Variants in ITPRID2 observed in about 807,000 individuals in gnomAD.
The protein encoded by ITPRID2 is protein ITPRID2.
In ITPRID2, 60 loss-of-function variants were observed where a neutral mutation model predicts 124.3. That is an observed-to-expected ratio of 0.48 (90% CI 0.39 to 0.60). ITPRID2 has a LOEUF of 0.60. Among genes scored for constraint, ITPRID2 ranks in the 20% least tolerant of loss-of-function variants. The pLI is 0.00. For synonymous variants in ITPRID2, 521 were observed against 542.9 expected (o/e 0.96, Z 0.56); for missense variants, 1,553 against 1,512.2 (o/e 1.03, Z -0.45).
intron 6 of ITPRID2, among the ~76,000 whole-genome samples, chr2:181,899,767 G>A (rs1373840638): frequency 6.6e-6 from 1 of 152,170 alleles, no homozygotes; most frequent in African/African-American, 2.4e-5. Context: ...AGGAGGTTGA[G>A]GCTGCAGTGA....
At position 181,892,651 on chromosome 2, in the gene ITPRID2, A is replaced by G; in HGVS notation, c.248A>G (p.Lys83Arg). 3 of 1,614,046 alleles carry G rather than the reference A, an allele frequency of 1.9e-6. No homozygotes were observed. The highest frequency in any genetic ancestry group is 2.5e-6 in the Non-Finnish European group (3 of 1,179,970). Residue 83 changes from lysine to arginine, a missense_variant, in exon 2 of 18, where the codon AAG becomes AGG. Lys to Arg is a conservative substitution (Grantham distance 26). Coordinates refer to ENST00000431877, the MANE Select transcript of ITPRID2 (RefSeq NM_001130445.3). This position sits in a 1 kb window ranked among gnomAD's most constrained non-coding sequence, Gnocchi z 5.2. ...VPNEKIAIWL[K>R]DCRTPLGASL... ...AACGAGAAGATCGCGATATGGCTCA[A>G]GGACTGCCGGTGAGTGCTCCCTGGT...
intron 8 of ITPRID2, among the ~76,000 whole-genome samples, chr2:181,908,754 T>C (rs988894835): frequency 6.6e-6 from 1 of 152,196 alleles, no homozygotes; most frequent in African/African-American, 2.4e-5. Flanking sequence ...AAAATGTTGG[T>C]TATTTCACTC....
rs1692429539 is a variant in ITPRID2 at position 181,898,863 on chromosome 2, A to G, written c.365-17A>G. 1.9e-6 allele frequency: 3 copies of G among 1,591,808 alleles called. No homozygotes were observed. The highest frequency in any genetic ancestry group is 1.7e-6 in the Non-Finnish European group (2 of 1,160,452). On this transcript the variant is annotated splice_polypyrimidine_tract_variant and intron_variant, in intron 4 of 17. Transcript: ENST00000431877. ...CTACTAACAATTGTGCTCTACGTTT[A>G]TTGTTTTTACCTGTAGCCAACCACC...
Position 181,896,969 on chromosome 2 carries a change from G to A in ITPRID2, c.364+5G>A. 1 of 1,610,920 alleles carries A rather than the reference G, an allele frequency of 6.2e-7. No homozygotes were observed. The highest frequency in any genetic ancestry group is 8.5e-7 in the Non-Finnish European group (1 of 1,177,468). On this transcript the variant is annotated splice_donor_5th_base_variant and intron_variant, in intron 4 of 17. Transcript: ENST00000431877. This position sits in a 1 kb window ranked among gnomAD's most constrained non-coding sequence, Gnocchi z 4.3. The stretch of plus-strand genomic sequence containing the variant: ...ATTTGTCATTGGGAGCTGAAGGTAT[G>A]TTTGTTTGGAAGAACTGTATTTTTG...
rs763598503 is a variant in ITPRID2 at position 181,892,211 on chromosome 2, C to CAGGACGAGGAGG, written c.163_174dup (p.Glu55_Asp58dup). On this transcript the variant is annotated inframe_insertion, in exon 1 of 18. Coordinates refer to ENST00000431877, the MANE Select transcript of ITPRID2 (RefSeq NM_001130445.3). The surrounding 1 kb of genome is among the most constrained non-coding windows in gnomAD (Gnocchi z 5.2). ...GGATCTGTCCACAGAAGCGACGACG[C>CAGGACGAGGAGG]AGGACGAGGAGGAGGACGAGGAGGA... 9.3e-5 allele frequency: 145 copies of CAGGACGAGGAGG among 1,552,022 alleles called. No individual in the cohort carries two copies. The highest frequency in any genetic ancestry group is 2.4e-4 in the Admixed American group (12 of 51,058).
intron 9 of ITPRID2, among the ~76,000 whole-genome samples, chr2:181,913,644 A>C (rs1693798895): frequency 6.6e-6 from 1 of 152,168 alleles, no homozygotes; most frequent in Non-Finnish European, 1.5e-5. Context: ...TTTTTGTTTG[A>C]ATTTGAGTTA....
chr2:181,904,273 C>T (rs749977016), intron 8 of ITPRID2, among the ~76,000 whole-genome samples: 4 of 151,216 alleles, frequency 2.6e-5, no homozygotes, highest in African/African-American at 9.7e-5. Flanking sequence ...GTAGCATTGA[C>T]GTGAACATTT....
chr2:181,899,801 C>T (rs1692514541), intron 6 of ITPRID2, among the ~76,000 whole-genome samples: 1 of 152,182 alleles, frequency 6.6e-6, no homozygotes, highest in African/African-American at 2.4e-5. Context: ...CACTCCATTT[C>T]AACTTGGCTG....
At position 181,922,048 on chromosome 2, in the gene ITPRID2, C is replaced by A; in HGVS notation, c.3311C>A (p.Ser1104Tyr). Residue 1104 changes from serine to tyrosine, a missense_variant, in exon 16 of 18, where the codon TCT (serine) becomes TAT (tyrosine). Physicochemically the swap from Ser to Tyr is moderately radical, Grantham distance 144. Transcript: ENST00000431877. Reference protein sequence around the residue: ...FEIPPGESSESVFSQATSESS... With the variant: ...FEIPPGESSEYVFSQATSESS... ...ATTCCTCCTGGAGAAAGCTCAGAAT[C>A]TGTTTTTTCCCAAGCAACATCAGAA... 1 of 1,614,226 alleles carries A rather than the reference C, an allele frequency of 6.2e-7. No homozygotes were observed. The highest frequency in any genetic ancestry group is 8.5e-7 in the Non-Finnish European group (1 of 1,180,034).
chr2:181,917,032 C>T (rs1031399754), intron 11 of ITPRID2: 8 of 979,962 alleles, frequency 8.2e-6, no homozygotes, highest in Non-Finnish European at 9.7e-6. Flanking sequence ...ATTTAAAATG[C>T]TCTGTATGTC....
Position 181,896,841 on chromosome 2 carries a change from A to G in ITPRID2, c.308-67A>G. 1 of 1,264,588 alleles carries G rather than the reference A, an allele frequency of 7.9e-7. No homozygotes were observed. The highest frequency in any genetic ancestry group is 1.1e-6 in the Non-Finnish European group (1 of 869,932). 78.3% of individuals were successfully genotyped at this position (1,264,588 alleles called of 1,614,324 possible). A position where few individuals can be genotyped will look rare whatever the true frequency, so the allele number is the denominator to read the frequency against. ...ATTTTGCTGGGTGAATTTAACTAAA[A>G]CAGTGATTTTATATGAGGGTGGAGA... is the stretch of plus-strand genomic sequence containing the variant. On this transcript the variant is annotated intron_variant, in intron 3 of 17. Transcript: ENST00000431877. The surrounding 1 kb of genome is among the most constrained non-coding windows in gnomAD (Gnocchi z 4.3).
chr2:181,907,543 C>T lies in ITPRID2; in HGVS notation c.1414-2356C>T, dbSNP rs79465098. Among the ~76,000 whole-genome samples, 1 of 151,724 alleles carries T rather than the reference C, an allele frequency of 6.6e-6. No individual in the cohort carries two copies. Among genetic ancestry groups the T allele is most frequent in the Non-Finnish European group, 1.5e-5 (1 of 67,964 alleles). ...AATAATATCATGAACACCCATTACTCATCATTCTAATTCAGTTTTATTTGG... is the reference window on the plus strand; with the variant it reads ...AATAATATCATGAACACCCATTACTTATCATTCTAATTCAGTTTTATTTGG... On this transcript the variant is annotated intron_variant, in intron 8 of 17. Transcript: ENST00000431877. The surrounding 1 kb of genome is among the most constrained non-coding windows in gnomAD (Gnocchi z 5.1).
chr2:181,903,401 G>A (rs1019748268), intron 8 of ITPRID2, among the ~76,000 whole-genome samples: 4 of 152,304 alleles, frequency 2.6e-5, no homozygotes, highest in Admixed American at 1.3e-4. Flanking sequence ...ATGCGTTTTA[G>A]TAATAGTTCA....
rs1384128028 is a variant in ITPRID2, at chr2:181,901,978, A to G, written c.925A>G (p.Thr309Ala). ...AAAACTGAATTTATGTGTTGATAAA[A>G]CAGAGAAAGGAGAAAGTAGTAGTCC... ...LSKLNLCVDKTEKGESSSPSP... is the reference protein window; with the variant it reads ...LSKLNLCVDKAEKGESSSPSP... The change falls in exon 8 of 18, where the codon ACA becomes GCA. Residue 309 changes from threonine to alanine, a missense_variant. Physicochemically the swap from Thr to Ala is moderately conservative, Grantham distance 58 (BLOSUM62 0). Coordinates refer to ENST00000431877, the MANE Select transcript of ITPRID2 (RefSeq NM_001130445.3). 2 of 1,613,820 alleles carry G rather than the reference A, an allele frequency of 1.2e-6. No individual in the cohort carries two copies. The highest frequency in any genetic ancestry group is 2.2e-5 in the South Asian group (2 of 91,074).
At chr2:181,906,229 G>T (rs1693100799) in intron 8 of ITPRID2, among the ~76,000 whole-genome samples, 1 of 152,084 alleles carries the variant, frequency 6.6e-6, no homozygotes, top group Admixed American at 6.5e-5. Context: ...TATAGCAGTG[G>T]TTCTTCACCA....
chr2:181,917,088 TAATTTTCCCAAAAAAATTTTG>T, intron 11 of ITPRID2: 1 of 907,068 alleles, frequency 1.1e-6, no homozygotes, highest in Non-Finnish European at 1.3e-6. Context: ...AGACTGGAAA[TAATTTTCCCAAAAAAATTTTG>T]AAAATAAGTA....
At chr2:181,909,327 T>C (rs893105841) in intron 8 of ITPRID2, among the ~76,000 whole-genome samples, 2 of 152,152 alleles carry the variant, frequency 1.3e-5, no homozygotes, top group Admixed American at 6.5e-5. Flanking sequence ...AATTCTGCAG[T>C]GGTAGCACTG....
chr2:181,892,348 T>C lies in ITPRID2; in HGVS notation c.211+71T>C. 6.9e-7 allele frequency: 1 copy of C among 1,454,224 alleles called. No homozygotes were observed. The highest frequency in any genetic ancestry group is 2.3e-5 in the Admixed American group (1 of 44,434). The allele number at this position is 1,454,224 out of a possible 1,614,324, so 90.1% of individuals were successfully genotyped here. A position where few individuals can be genotyped will look rare whatever the true frequency, so the allele number is the denominator to read the frequency against. The stretch of plus-strand genomic sequence containing the variant: ...GAGAGTCTCGTGCGCCCTGGGCGCC[T>C]GCCACGAGTTCTGGGAGAGCCTCGG... On this transcript the variant is annotated intron_variant, in intron 1 of 17. Coordinates refer to ENST00000431877, the MANE Select transcript of ITPRID2 (RefSeq NM_001130445.3). This position sits in a 1 kb window ranked among gnomAD's most constrained non-coding sequence, Gnocchi z 5.2.
intron 16 of ITPRID2, among the ~76,000 whole-genome samples, chr2:181,927,227 C>G (rs1046428957): frequency 1.3e-5 from 2 of 152,146 alleles, no homozygotes; most frequent in African/African-American, 4.8e-5. Flanking sequence ...GGAAATAAAT[C>G]AATTTGGCTG....
Sources: allele counts gnomAD v4.1 joint callset (sites outside exome capture counted in the v4.1 genomes callset), GRCh38; gene constraint gnomAD v4.1.1; non-coding constraint Gnocchi (gnomAD v3.1); transcripts MANE v1.5; gene names NCBI Gene and HGNC (gene_info 2026-07-23, HGNC 2026-07-21).